Variants in PRKCB observed in about 807,000 individuals in gnomAD.
PRKCB encodes the protein protein kinase C beta.
In PRKCB, 13 loss-of-function variants were observed where a neutral mutation model predicts 81.5. The ratio of observed to expected loss-of-function variants is 0.16; its 90% CI spans 0.10 to 0.25. The LOEUF is 0.25. Among genes scored for constraint, PRKCB ranks in the 10% least tolerant of loss-of-function variants. PRKCB has a pLI of 1.00. For synonymous variants in PRKCB, 335 were observed against 321.4 expected, an observed-to-expected ratio of 1.04 and a Z score of -0.45; for missense variants, 509 against 875.7, an observed-to-expected ratio of 0.58 and a Z score of 5.29.
intron 2 of PRKCB, among the ~76,000 whole-genome samples, chr16:23,980,223 G>A (rs1213661249): frequency 6.6e-6 from 1 of 152,282 alleles, no homozygotes; most frequent in African/African-American, 2.4e-5. Flanking sequence ...GGTGAGACCA[G>A]CCATTGGGCA....
chr16:24,147,320 A>AAAAC (rs1261727442), intron 9 of PRKCB, among the ~76,000 whole-genome samples: 1 of 151,746 alleles, frequency 6.6e-6, no homozygotes, highest in Non-Finnish European at 1.5e-5. Context: ...AAAAAAAAAA[A>AAAAC]AACTTCACAG....
chr16:24,096,666 A>AAAAAAAATATATATAT (rs1406204037), intron 7 of PRKCB, among the ~76,000 whole-genome samples: 2 of 32,700 alleles, frequency 6.1e-5, no homozygotes, highest in Admixed American at 4.4e-4. Flanking sequence ...AAAAAAAAAA[A>AAAAAAAATATATATAT]ATATATATAT....
intron 2 of PRKCB, among the ~76,000 whole-genome samples, chr16:23,841,542 C>T (rs1453028207): frequency 1.3e-5 from 2 of 151,646 alleles, no homozygotes; most frequent in Non-Finnish European, 2.9e-5. Context: ...GGCTGGAGGG[C>T]AGTGACATGA....
intron 7 of PRKCB, among the ~76,000 whole-genome samples, chr16:24,096,275 T>C (rs543774179): frequency 1.3e-5 from 2 of 152,030 alleles, no homozygotes; most frequent in South Asian, 4.2e-4. Flanking sequence ...TAAAATGAAA[T>C]AAAATAAAAT....
At position 23,898,141 on chromosome 16, in the gene PRKCB, C is replaced by T. The variant is rs1235752597; in HGVS notation, c.205+60735C>T. Among the ~76,000 whole-genome samples the T allele has an allele frequency of 3.3e-5, 5 of 151,742 alleles. No homozygotes were observed. In the East Asian group the frequency reaches 9.7e-4, roughly 29 times the overall value. ...AGTGCAGTGGTGCGATCTCGGTTCA[C>T]TGCAAGCTCCGCCTCCCAGGTTCAC... On this transcript the variant is annotated intron_variant, in intron 2 of 16. Transcript: ENST00000643927.
At chr16:23,910,990 GT>G (rs1963642505) in intron 2 of PRKCB, among the ~76,000 whole-genome samples, 1 of 152,050 alleles carries the variant, frequency 6.6e-6, no homozygotes. Flanking sequence ...GCATGTATCA[GT>G]ACCTCATTCC....
At chr16:23,949,780 A>G (rs1964252508) in intron 2 of PRKCB, among the ~76,000 whole-genome samples, 1 of 152,192 alleles carries the variant, frequency 6.6e-6, no homozygotes, top group South Asian at 2.1e-4. Context: ...TCCACCCAGT[A>G]CTAGGAAGAT....
intron 2 of PRKCB, among the ~76,000 whole-genome samples, chr16:23,895,799 C>T (rs1210713796): frequency 1.3e-5 from 2 of 152,174 alleles, no homozygotes; most frequent in Admixed American, 6.5e-5. Flanking sequence ...TAGTGCCAGG[C>T]ACATGGAACA....
intron 16 of PRKCB, among the ~76,000 whole-genome samples, chr16:24,206,374 CT>C (rs1422830002): frequency 5.3e-5 from 8 of 152,166 alleles, no homozygotes; most frequent in African/African-American, 1.9e-4. Context: ...TTTGCCTAGG[CT>C]ATGTAGCTTG....
chr16:23,985,178 G>A (rs1421523411), intron 2 of PRKCB, among the ~76,000 whole-genome samples: 4 of 152,036 alleles, frequency 2.6e-5, no homozygotes, highest in Non-Finnish European at 4.4e-5. Context: ...TTCAACCTCC[G>A]CCTCCTGGGT....
intron 5 of PRKCB, among the ~76,000 whole-genome samples, chr16:24,059,839 C>T (rs561760226): frequency 6.6e-6 from 1 of 152,296 alleles, no homozygotes; most frequent in African/African-American, 2.4e-5. Flanking sequence ...AAGAATTGAA[C>T]AGAGTCACTG....
intron 2 of PRKCB, among the ~76,000 whole-genome samples, chr16:23,884,695 T>C (rs1444606803): frequency 2.0e-5 from 3 of 152,076 alleles, no homozygotes; most frequent in Non-Finnish European, 4.4e-5. Flanking sequence ...CCACCATGCC[T>C]GGCTAATTTT....
intron 9 of PRKCB, among the ~76,000 whole-genome samples, chr16:24,125,124 G>A (rs200424496): frequency 9.0e-5 from 2 of 22,172 alleles, no homozygotes; most frequent in Non-Finnish European, 1.4e-4. Flanking sequence ...ATAATTAATC[G>A]TTACCTATAA....
chr16:23,923,570 G>C (rs10221079), intron 2 of PRKCB, among the ~76,000 whole-genome samples: 2,244 of 152,158 alleles, frequency 0.015, 55 homozygotes, highest in African/African-American at 0.051. Context: ...AGGATATTTG[G>C]TATTGTTATT....
chr16:23,882,004 T>TTCTTTCTTTC (rs1555481651), intron 2 of PRKCB, among the ~76,000 whole-genome samples: 55 of 72,022 alleles, frequency 7.6e-4, no homozygotes, highest in African/African-American at 1.4e-3. Flanking sequence ...CTTTCTTTCT[T>TTCTTTCTTTC]TCTTTCTTTC....
rs1451908296 is a variant in PRKCB at position 23,875,356 on chromosome 16, A to T, written c.205+37950A>T. On this transcript the variant is annotated intron_variant, in intron 2 of 16. Coordinates refer to ENST00000643927, the MANE Select transcript of PRKCB (RefSeq NM_002738.7). ...GCCCAGCCTCTCTGTGTCTTATGATAAAAAAAATACTGGATGAGACAAGAC... is the reference window on the plus strand; with the variant it reads ...GCCCAGCCTCTCTGTGTCTTATGATTAAAAAAATACTGGATGAGACAAGAC... Among the ~76,000 whole-genome samples, 7 of 151,712 alleles carry T rather than the reference A, an allele frequency of 4.6e-5. No homozygotes were observed. The South Asian group carries it at 1.5e-3, about 32-fold the overall frequency.
chr16:23,839,225 A>G (rs1168733153), intron 2 of PRKCB, among the ~76,000 whole-genome samples: 2 of 151,950 alleles, frequency 1.3e-5, no homozygotes, highest in Non-Finnish European at 2.9e-5. Context: ...GTTAAGAGAA[A>G]AAGGCAGAAT....
chr16:23,847,150 T>G (rs1962383908), intron 2 of PRKCB, among the ~76,000 whole-genome samples: 1 of 152,146 alleles, frequency 6.6e-6, no homozygotes, highest in Non-Finnish European at 1.5e-5. Context: ...AATTCTAGCT[T>G]TCTTTTTTCT....
chr16:24,219,584 T>C lies in PRKCB; in HGVS notation c.*4768T>C. ...TCCAGGACGCTCTACCTAATGATTATTTCTATAACATTAAGCATGGTAATA... is the reference window on the plus strand; with the variant it reads ...TCCAGGACGCTCTACCTAATGATTACTTCTATAACATTAAGCATGGTAATA... On this transcript the variant is annotated 3_prime_UTR_variant, in exon 17 of 17. Transcript: ENST00000643927. 1.5e-5 allele frequency: 15 copies of C among 1,004,066 alleles called. No homozygotes were observed. The highest frequency in any genetic ancestry group is 1.8e-5 in the Non-Finnish European group (15 of 841,748). 62.2% of individuals were successfully genotyped at this position (1,004,066 alleles called of 1,614,324 possible). A position where few individuals can be genotyped will look rare whatever the true frequency, so the allele number is the denominator to read the frequency against.
Sources: allele counts gnomAD v4.1 joint callset (sites outside exome capture counted in the v4.1 genomes callset), GRCh38; gene constraint gnomAD v4.1.1; transcripts MANE v1.5; gene names NCBI Gene and HGNC (gene_info 2026-07-23, HGNC 2026-07-21).